The following CRB1 variants were observed in gnomAD, a reference collection of about 807,000 sequenced individuals.
CRB1 encodes protein crumbs homolog 1.
A neutral mutation model predicts 120.0 loss-of-function variants in CRB1; 83 were observed. That is an observed-to-expected ratio of 0.69 (90% CI 0.58 to 0.83). The LOEUF is 0.83. Among genes scored for constraint, CRB1 ranks in the 40% least tolerant of loss-of-function variants. The probability of loss-of-function intolerance (pLI) is 0.00; values close to 1 mark genes in which losing one functional copy is unlikely to be tolerated. For synonymous variants in CRB1, 625 were observed against 612.5 expected (o/e 1.02, Z -0.30); for missense variants, 1,699 against 1,687.6 (o/e 1.01, Z -0.12).
intron 5 of CRB1, among the ~76,000 whole-genome samples, chr1:197,390,682 ATAT>A (rs1662455911): frequency 6.6e-6 from 1 of 152,160 alleles, no homozygotes; most frequent in Admixed American, 6.6e-5. Context: ...ACCAGAGTAA[ATAT>A]AATACAAAAA....
chr1:197,427,484 A>T lies in CRB1; in HGVS notation c.2159A>T (p.Asp720Val), dbSNP rs766989894. 1.2e-6 allele frequency: 2 copies of T among 1,613,388 alleles called. No homozygotes were observed. Among genetic ancestry groups the T allele is most frequent in the African/African-American group, 2.7e-5 (2 of 74,682 alleles). Residue 720 changes from aspartate to valine, a missense_variant, in exon 7 of 12, where the codon GAC becomes GTC. Asp to Val is a radical substitution (Grantham distance 152, BLOSUM62 -3). Coordinates refer to ENST00000367400, the MANE Select transcript of CRB1 (RefSeq NM_201253.3). ...GTGGCAGGCAGATTTGGCCAGGATGACTCCACTGGTTATGTCATCTTTACT... is the reference window on the plus strand; with the variant it reads ...GTGGCAGGCAGATTTGGCCAGGATGTCTCCACTGGTTATGTCATCTTTACT... ...EYVAGRFGQDDSTGYVIFTLD... is the reference protein window; with the variant it reads ...EYVAGRFGQDVSTGYVIFTLD...
At chr1:197,365,363 C>G (rs925814031) in intron 5 of CRB1, among the ~76,000 whole-genome samples, 1 of 152,078 alleles carries the variant, frequency 6.6e-6, no homozygotes, top group Admixed American at 6.5e-5. Flanking sequence ...CTTTACTGAT[C>G]CCCCACTCAC....
chr1:197,438,935 T>A (rs1169622324), intron 10 of CRB1: 3 of 376,734 alleles, frequency 8.0e-6, no homozygotes, highest in Non-Finnish European at 1.5e-5. Flanking sequence ...TTTTCTTTCT[T>A]ATAAGTACTT....
At position 197,369,531 on chromosome 1, in the gene CRB1, C is replaced by CA. The variant is rs140105481; in HGVS notation, c.1171+12526dup. ...GAGGTTTTATTATACCTGCCATTGG[C>CA]AAAAAAAACTACCCCCTTAGTCATT... On this transcript the variant is annotated intron_variant, in intron 5 of 11. Transcript: ENST00000367400. Among the ~76,000 whole-genome samples, 11 of 151,402 alleles carry CA rather than the reference C, an allele frequency of 7.3e-5. 1 individual carries two copies. Among genetic ancestry groups the CA allele is most frequent in the East Asian group, 5.8e-4 (3 of 5,144 alleles).
chr1:197,390,929 T>C (rs909161042), intron 5 of CRB1, among the ~76,000 whole-genome samples: 1 of 152,186 alleles, frequency 6.6e-6, no homozygotes, highest in South Asian at 2.1e-4. Flanking sequence ...TACTCACTTA[T>C]GCATTGTAGC....
intron 11 of CRB1, among the ~76,000 whole-genome samples, chr1:197,465,290 T>A (rs1666704774): frequency 6.6e-6 from 1 of 152,172 alleles, no homozygotes; most frequent in Non-Finnish European, 1.5e-5. Context: ...TGCTTTAGAT[T>A]CCTCAATACA....
chr1:197,370,236 C>G (rs1571413754), intron 5 of CRB1, among the ~76,000 whole-genome samples: 1 of 97,916 alleles, frequency 1.0e-5, no homozygotes, highest in African/African-American at 2.5e-5. Context: ...AACAATAACA[C>G]AATGAAAAAA....
At chr1:197,438,474 A>T in intron 9 of CRB1, 73 bp from the exon 10 acceptor site, 1 of 1,584,350 alleles carries the variant, frequency 6.3e-7, no homozygotes, top group Non-Finnish European at 8.6e-7. Context: ...TACATACATG[A>T]ATTTATCAGA....
intron 1 of CRB1, among the ~76,000 whole-genome samples, chr1:197,274,905 A>G (rs961992806): frequency 1.3e-5 from 2 of 152,042 alleles, no homozygotes; most frequent in Non-Finnish European, 2.9e-5. Context: ...AGTACTACAA[A>G]CTGGGTGGCT....
chr1:197,448,603 G>A (rs532817531), intron 11 of CRB1, among the ~76,000 whole-genome samples: 52 of 152,200 alleles, frequency 3.4e-4, no homozygotes, highest in Admixed American at 5.9e-4. Context: ...CTTCCCTTAC[G>A]TGCTGTTCCT....
At chr1:197,318,513 G>A (rs187962606) in intron 1 of CRB1, among the ~76,000 whole-genome samples, 1 of 152,214 alleles carries the variant, frequency 6.6e-6, no homozygotes, top group East Asian at 1.9e-4. Context: ...ACATCCAAAG[G>A]AAATGAAATA....
At chr1:197,420,879 C>G (rs1558125033) in intron 5 of CRB1, 121 bp from the exon 6 acceptor site, 2 of 741,892 alleles carry the variant, frequency 2.7e-6, no homozygotes, top group Admixed American at 3.8e-5. Context: ...CATTTTACTC[C>G]ATTACAGTCC....
chr1:197,371,379 T>C (rs1230273852), intron 5 of CRB1, among the ~76,000 whole-genome samples: 2 of 152,124 alleles, frequency 1.3e-5, no homozygotes, highest in African/African-American at 4.8e-5. Context: ...ATGGGGCCTT[T>C]AGCACTAGAT....
chr1:197,314,452 T>C (rs1476485448), intron 1 of CRB1, among the ~76,000 whole-genome samples: 1 of 152,186 alleles, frequency 6.6e-6, no homozygotes, highest in Admixed American at 6.5e-5. Flanking sequence ...TTGAAAAATA[T>C]TAAGTTCTTG....
intron 1 of CRB1, among the ~76,000 whole-genome samples, chr1:197,283,632 T>TA (rs1218557776): frequency 6.6e-6 from 1 of 151,856 alleles, no homozygotes; most frequent in Admixed American, 6.6e-5. Context: ...GATGGATAGA[T>TA]ATATATCGAT....
At chr1:197,476,398 G>GCA (rs200221829) in intron 11 of CRB1, among the ~76,000 whole-genome samples, 13 of 66,514 alleles carry the variant, frequency 2.0e-4, no homozygotes, top group East Asian at 1.6e-3. Context: ...GTGTGTGTGT[G>GCA]CGCGTCTTCC....
intron 5 of CRB1, among the ~76,000 whole-genome samples, chr1:197,373,223 C>A (rs910673194): frequency 2.0e-5 from 3 of 152,128 alleles, no homozygotes; most frequent in African/African-American, 7.2e-5. Flanking sequence ...TACTGAGATT[C>A]ATTCATTATA....
chr1:197,410,516 G>A (rs878913664), intron 5 of CRB1, among the ~76,000 whole-genome samples: 1 of 152,182 alleles, frequency 6.6e-6, no homozygotes, highest in Admixed American at 6.5e-5. Flanking sequence ...AGCAACATTT[G>A]ATAAGCACCT....
rs2125499446 is a variant in CRB1 at position 197,434,962 on chromosome 1, A to G, written c.3099A>G (p.Thr1033=). 4 of 1,613,962 alleles carry G rather than the reference A, an allele frequency of 2.5e-6. No individual in the cohort carries two copies. Among genetic ancestry groups the G allele is most frequent in the Non-Finnish European group, 3.4e-6 (4 of 1,179,890 alleles). ...GTTTGCAGTCAGTGAATGATGGCAC[A>G]TGGCACGAAGTGACCCTTTCCATGA... The part of the protein sequence containing the change: ...LTSLQSVNDG[T]WHEVTLSMTD... Residue 1033 remains threonine, a synonymous_variant, in exon 9 of 12, where the codon ACA becomes ACG. Transcript: ENST00000367400.
Sources: allele counts gnomAD v4.1 joint callset (sites outside exome capture counted in the v4.1 genomes callset), GRCh38; gene constraint gnomAD v4.1.1; transcripts MANE v1.5; gene names NCBI Gene and HGNC (gene_info 2026-07-23, HGNC 2026-07-21).